The following SOX5 variants were observed in gnomAD, a reference collection of about 807,000 sequenced individuals.
The protein encoded by SOX5 is transcription factor SOX-5.
Under a neutral mutation model 92.0 loss-of-function variants are expected in SOX5, and 9 were observed. That is an observed-to-expected ratio of 0.10 (90% CI 0.06 to 0.17). The LOEUF is 0.17. Ranked by LOEUF, SOX5 falls within the 10% of genes least tolerant of loss-of-function variation. The probability of loss-of-function intolerance (pLI) is 1.00; values close to 1 mark genes in which losing one functional copy is unlikely to be tolerated. For synonymous variants in SOX5, 344 were observed against 336.3 expected (o/e 1.02, Z -0.25); for missense variants, 642 against 944.5 (o/e 0.68, Z 4.20).
At chr12:24,399,479 A>G (rs1161308391) in intron 1 of SOX5, among the ~76,000 whole-genome samples, 1 of 152,280 alleles carries the variant, frequency 6.6e-6, no homozygotes, top group Non-Finnish European at 1.5e-5. Flanking sequence ...TAAAAGAAAG[A>G]GTATTTAGAG....
intron 1 of SOX5, among the ~76,000 whole-genome samples, chr12:23,898,105 C>T (rs544008003): frequency 1.3e-5 from 2 of 152,248 alleles, no homozygotes; most frequent in East Asian, 3.9e-4. Context: ...TGTTCTGATT[C>T]GATGTTCTAC....
chr12:24,381,103 C>T (rs1596104984), intron 1 of SOX5, among the ~76,000 whole-genome samples: 2 of 152,280 alleles, frequency 1.3e-5, no homozygotes, highest in Non-Finnish European at 2.9e-5. Context: ...AAGACCTTAT[C>T]TTTGGAAGTA....
chr12:24,383,268 G>A (rs2136387613), intron 1 of SOX5, among the ~76,000 whole-genome samples: 1 of 152,264 alleles, frequency 6.6e-6, no homozygotes, highest in African/African-American at 2.4e-5. Flanking sequence ...TGTCTTTGAT[G>A]ATGGTCTTTA....
intron 2 of SOX5, among the ~76,000 whole-genome samples, chr12:23,878,272 G>A (rs1418757817): frequency 6.6e-6 from 1 of 151,840 alleles, no homozygotes; most frequent in Non-Finnish European, 1.5e-5. Flanking sequence ...TCCACATCTT[G>A]GTGTTCCGCC....
intron 4 of SOX5, among the ~76,000 whole-genome samples, chr12:24,076,419 T>C (rs1942603932): frequency 6.6e-6 from 1 of 152,154 alleles, no homozygotes; most frequent in Non-Finnish European, 1.5e-5. Context: ...ACCAAAAAAA[T>C]CCACACAGTG....
intron 4 of SOX5, among the ~76,000 whole-genome samples, chr12:24,189,507 C>T (rs1956321696): frequency 6.6e-6 from 1 of 152,076 alleles, no homozygotes; most frequent in Admixed American, 6.5e-5. Flanking sequence ...GCAGGCATCC[C>T]AAGTAAGTAT....
chr12:24,456,709 C>T (rs2137417641), intron 1 of SOX5, among the ~76,000 whole-genome samples: 1 of 152,292 alleles, frequency 6.6e-6, no homozygotes, highest in East Asian at 1.9e-4. Flanking sequence ...TAAACATTCG[C>T]TATCTCCCTT....
intron 4 of SOX5, among the ~76,000 whole-genome samples, chr12:24,133,498 A>G (rs1028253868): frequency 2.0e-5 from 3 of 152,196 alleles, no homozygotes; most frequent in Admixed American, 2.0e-4. Context: ...GGTACAGTTT[A>G]CTAGTTAATT....
chr12:24,412,666 T>C (rs4963758), intron 1 of SOX5, among the ~76,000 whole-genome samples: 37,033 of 151,934 alleles, frequency 0.24, 5,531 homozygotes, highest in East Asian at 0.66. Flanking sequence ...TTTAGTTCTT[T>C]TAAATTTATT....
intron 3 of SOX5, among the ~76,000 whole-genome samples, chr12:23,815,345 A>G (rs750933318): frequency 6.6e-6 from 1 of 152,226 alleles, no homozygotes; most frequent in Non-Finnish European, 1.5e-5. Flanking sequence ...ACAAATTACT[A>G]TATAGACCAC....
chr12:23,936,093 C>T (rs1359802428), intron 1 of SOX5, among the ~76,000 whole-genome samples: 1 of 150,924 alleles, frequency 6.6e-6, no homozygotes, highest in African/African-American at 2.4e-5. Context: ...GAGTCTGGCA[C>T]ATAATAAGTA....
At chr12:24,023,747 TTGTC>T (rs1281604378) in intron 4 of SOX5, among the ~76,000 whole-genome samples, 2 of 152,098 alleles carry the variant, frequency 1.3e-5, no homozygotes, top group Non-Finnish European at 2.9e-5. Flanking sequence ...ATACATTTAT[TTGTC>T]TATTTTATTT....
At chr12:23,946,727 T>C (rs1247650662) in intron 1 of SOX5, among the ~76,000 whole-genome samples, 1 of 151,944 alleles carries the variant, frequency 6.6e-6, no homozygotes, top group Non-Finnish European at 1.5e-5. Context: ...AACGGTAAAA[T>C]GTAGAAGACT....
intron 6 of SOX5, among the ~76,000 whole-genome samples, chr12:23,722,323 A>T (rs562827606): frequency 6.6e-6 from 1 of 152,324 alleles, no homozygotes; most frequent in African/African-American, 2.4e-5. Context: ...TTAAACATAC[A>T]TGCTAAATAT....
At chr12:23,636,543 G>C (rs181815435) in intron 8 of SOX5, among the ~76,000 whole-genome samples, 9 of 152,136 alleles carry the variant, frequency 5.9e-5, no homozygotes, top group Admixed American at 5.2e-4. Flanking sequence ...ACATATGGTA[G>C]GTAAACAAAG....
At chr12:24,507,649 G>T (rs908343000) in intron 1 of SOX5, among the ~76,000 whole-genome samples, 4 of 152,072 alleles carry the variant, frequency 2.6e-5, no homozygotes, top group Non-Finnish European at 5.9e-5. Flanking sequence ...GATAATCTCA[G>T]GGAATTACTG....
At chr12:24,251,641 G>A (rs557436237) in intron 3 of SOX5, among the ~76,000 whole-genome samples, 16 of 150,292 alleles carry the variant, frequency 1.1e-4, no homozygotes, top group African/African-American at 2.9e-4. Flanking sequence ...GCGTGATCTC[G>A]ACTCACTGCA....
intron 1 of SOX5, among the ~76,000 whole-genome samples, chr12:24,561,622 G>C (rs2139092021): frequency 6.6e-6 from 1 of 152,052 alleles, no homozygotes; most frequent in South Asian, 2.1e-4. Flanking sequence ...GGTACACTGA[G>C]TGAGGTGGGG....
chr12:24,229,508 C>G (rs1006844094), intron 3 of SOX5, among the ~76,000 whole-genome samples: 3 of 151,422 alleles, frequency 2.0e-5, no homozygotes, highest in Non-Finnish European at 4.4e-5. Flanking sequence ...TTTCTTGGCA[C>G]TCATATGCTA....
Sources: allele counts gnomAD v4.1 joint callset (sites outside exome capture counted in the v4.1 genomes callset), GRCh38; gene constraint gnomAD v4.1.1; transcripts MANE v1.5; gene names NCBI Gene and HGNC (gene_info 2026-07-23, HGNC 2026-07-21).